Variants in MTAP observed in about 807,000 individuals in gnomAD.
MTAP encodes the protein methylthioadenosine phosphorylase.
Under a neutral mutation model 33.6 loss-of-function variants are expected in MTAP, and 33 were observed. The ratio of observed to expected loss-of-function variants is 0.98; its 90% CI spans 0.74 to 1.31. MTAP has a LOEUF of 1.31. Ranked by LOEUF, MTAP falls within the 40% of genes most tolerant of loss-of-function variation. The pLI is 0.00. For missense variants in MTAP, 367 were observed against 360.0 expected (o/e 1.02, Z -0.16); for synonymous variants, 148 against 125.7 (o/e 1.18, Z -1.19).
At chr9:21,819,114 G>C (rs888376225) in intron 4 of MTAP, among the ~76,000 whole-genome samples, 2 of 148,450 alleles carry the variant, frequency 1.3e-5, no homozygotes, top group Admixed American at 6.7e-5. Context: ...ATGGTATTCT[G>C]TTGTGTATAT....
chr9:21,936,637 A>G (rs964897337), exon 8 of MTAP: 1 of 152,256 alleles, frequency 6.6e-6, no homozygotes, highest in Non-Finnish European at 1.5e-5. Flanking sequence ...ATGAGAAAGA[A>G]TATACTTCTA....
At position 21,897,984 on chromosome 9, in the gene MTAP, C is replaced by T. The variant is rs1227829930; in HGVS notation, c.148-33024C>T. On this transcript the variant is annotated intron_variant, in intron 1 of 1. Transcript: ENST00000577563. ...TCACACTACCTGACTTCAAACTATA[C>T]TACAAGGCTACAGTAACCAAAACAG... Among the ~76,000 whole-genome samples, 9 of 152,286 alleles carry T rather than the reference C, an allele frequency of 5.9e-5. No individual in the cohort carries two copies. In the East Asian group the frequency reaches 1.5e-3, roughly 26 times the overall value.
At chr9:21,828,519 C>CA (rs912012688) in intron 4 of MTAP, among the ~76,000 whole-genome samples, 3 of 150,638 alleles carry the variant, frequency 2.0e-5, no homozygotes, top group Middle Eastern at 3.4e-3. Context: ...ACTAAAAATA[C>CA]AAAAAAAAAG....
chr9:21,843,934 C>G (rs1333861897), intron 5 of MTAP, among the ~76,000 whole-genome samples: 1 of 151,864 alleles, frequency 6.6e-6, no homozygotes, highest in African/African-American at 2.4e-5. Flanking sequence ...CAAAAAAATA[C>G]AAAAGATAAA....
chr9:21,869,728 A>G (rs1456369660), downstream of MTAP, among the ~76,000 whole-genome samples: 3 of 152,120 alleles, frequency 2.0e-5, no homozygotes, highest in African/African-American at 7.2e-5. Context: ...CAAGATACTG[A>G]CTATTCCTCA....
intron 4 of MTAP, among the ~76,000 whole-genome samples, chr9:21,830,970 T>C (rs184947714): frequency 1.3e-4 from 20 of 152,324 alleles, no homozygotes; most frequent in African/African-American, 4.8e-4. Context: ...ATTTTTGCCA[T>C]TGGAGCAAAG....
intron 1 of MTAP, chr9:21,893,123 C>A (rs1587279454): frequency 6.6e-6 from 1 of 152,118 alleles, no homozygotes; most frequent in African/African-American, 2.4e-5. Context: ...ATGGTGAAAG[C>A]AGTGTTAAGA....
intron 1 of MTAP, among the ~76,000 whole-genome samples, chr9:21,927,592 G>A (rs1818889653): frequency 6.6e-6 from 1 of 152,130 alleles, no homozygotes; most frequent in African/African-American, 2.4e-5. Flanking sequence ...TCAGCCCCTA[G>A]GTTATCTAGA....
intron 1 of MTAP, among the ~76,000 whole-genome samples, chr9:21,877,752 C>T (rs910260084): frequency 4.6e-5 from 7 of 152,024 alleles, no homozygotes; most frequent in Non-Finnish European, 8.8e-5. Context: ...CTGTTGGATT[C>T]GATTTGCTAG....
chr9:21,816,862 G>A (rs1230882416), intron 3 of MTAP, 90 bp downstream of exon 3: 2 of 1,069,968 alleles, frequency 1.9e-6, no homozygotes, highest in African/African-American at 3.2e-5. Flanking sequence ...ACAGGTCTGA[G>A]CTTTTATATG....
At chr9:21,915,977 C>T (rs1364439500) in intron 1 of MTAP, among the ~76,000 whole-genome samples, 2 of 148,538 alleles carry the variant, frequency 1.3e-5, no homozygotes, top group Admixed American at 1.3e-4. Flanking sequence ...TGAGGTTGAA[C>T]TGTGATGACA....
At chr9:21,840,461 A>T (rs542600092) in intron 5 of MTAP, among the ~76,000 whole-genome samples, 1 of 152,336 alleles carries the variant, frequency 6.6e-6, no homozygotes, top group East Asian at 1.9e-4. Flanking sequence ...CTCTGAATAC[A>T]CATCCCCACT....
At chr9:21,894,211 TA>T (rs60193324) in intron 1 of MTAP, among the ~76,000 whole-genome samples, 11,002 of 129,610 alleles carry the variant, frequency 0.085, 840 homozygotes, top group African/African-American at 0.22. Flanking sequence ...CCTTTCATGT[TA>T]AAAAAAAAAA....
At chr9:21,861,919 A>C in intron 7 of MTAP, 57 bp from the exon 8 acceptor site, 2 of 1,000,592 alleles carry the variant, frequency 2.0e-6, no homozygotes, top group Non-Finnish European at 1.6e-6. Context: ...TTTTTTAACA[A>C]ACATCTCAGT....
At chr9:21,915,484 T>C (rs1385475152) in intron 1 of MTAP, among the ~76,000 whole-genome samples, 1 of 152,188 alleles carries the variant, frequency 6.6e-6, no homozygotes, top group East Asian at 1.9e-4. Context: ...TTCCACTTTT[T>C]GGCTGTTACA....
intron 1 of MTAP, among the ~76,000 whole-genome samples, chr9:21,902,642 C>G (rs1425685516): frequency 6.6e-6 from 1 of 152,164 alleles, no homozygotes; most frequent in African/African-American, 2.4e-5. Flanking sequence ...ATTCTCAATC[C>G]AATAATGTAG....
intron 1 of MTAP, among the ~76,000 whole-genome samples, chr9:21,926,628 ATTTG>A (rs1473990495): frequency 6.6e-6 from 1 of 152,158 alleles, no homozygotes; most frequent in Admixed American, 6.6e-5. Flanking sequence ...GATGGTTCCA[ATTTG>A]TTTGGGCAAG....
chr9:21,827,032 T>C (rs1055459756), intron 4 of MTAP, among the ~76,000 whole-genome samples: 18 of 152,262 alleles, frequency 1.2e-4, no homozygotes, highest in African/African-American at 4.1e-4. Context: ...AACCATCCCC[T>C]CTGACCCTCT....
At chr9:21,898,393 A>G (rs1818333530) in intron 1 of MTAP, among the ~76,000 whole-genome samples, 1 of 152,246 alleles carries the variant, frequency 6.6e-6, no homozygotes, top group Admixed American at 6.5e-5. Context: ...GGATCTAATT[A>G]AACTAAAGAG....
Sources: gnomAD v4.1 joint callset for allele counts (sites outside exome capture counted in the v4.1 genomes callset) on GRCh38, gnomAD v4.1.1 for gene constraint, MANE v1.5 for transcripts, NCBI Gene and HGNC (gene_info 2026-07-23, HGNC 2026-07-21) for gene names.